TDRD12: variants seen among roughly 807,000 people sequenced by gnomAD.
TDRD12 encodes tudor domain containing 12, also known as putative ATP-dependent RNA helicase TDRD12.
Under a neutral mutation model 133.5 loss-of-function variants are expected in TDRD12, and 158 were observed. The observed-to-expected ratio is 1.18, with a 90% confidence interval of 1.04 to 1.35. TDRD12 has a LOEUF of 1.35. Ranked by LOEUF, TDRD12 falls within the 40% of genes most tolerant of loss-of-function variation. The pLI is 0.00. For missense variants in TDRD12, 1,443 were observed against 1,321.3 expected (o/e 1.09, Z -1.43); for synonymous variants, 460 against 477.9 (o/e 0.96, Z 0.49).
chr19:32,730,249 C>G (rs1439722455), intron 1 of TDRD12, among the ~76,000 whole-genome samples: 1 of 152,156 alleles, frequency 6.6e-6, no homozygotes, highest in Non-Finnish European at 1.5e-5. Flanking sequence ...TCTCAAGCTG[C>G]TATGGCAGCC....
In TDRD12 at chr19:32,747,895, GTC is replaced by G. The variant is rs1969701454; in HGVS notation, c.441-580_441-579del. Among the ~76,000 whole-genome samples the G allele has an allele frequency of 3.3e-5, 5 of 152,048 alleles. No homozygotes were observed. The South Asian group carries it at 8.3e-4, about 25-fold the overall frequency. ...CTGAGTGTGGTGGGGCACACCTGTA[GTC>G]CTAGCTACTCAGGAGGCTGAGATGA... On this transcript the variant is annotated intron_variant, in intron 4 of 27. Transcript: ENST00000444215.
chr19:32,748,099 C>G (rs1336163806), intron 4 of TDRD12, among the ~76,000 whole-genome samples: 1 of 152,158 alleles, frequency 6.6e-6, no homozygotes, highest in Non-Finnish European at 1.5e-5. Flanking sequence ...GTGTCGCGCC[C>G]TCTCTGTGCC....
At chr19:32,755,970 T>A (rs765925646) in intron 6 of TDRD12, 22 bp from the exon 7 acceptor site, 15 of 1,431,364 alleles carry the variant, frequency 1.0e-5, no homozygotes, top group Non-Finnish European at 1.4e-5. Flanking sequence ...TTATTAGTCA[T>A]GAAATGTTTA....
rs995879296 is a variant in TDRD12, at chr19:32,752,449, G to A, written c.582+2580G>A. 5.3e-5 allele frequency among the ~76,000 whole-genome samples: 8 copies of A among 152,086 alleles called. 1 individual carries two copies. The highest frequency in any genetic ancestry group is 7.4e-5 in the Non-Finnish European group (5 of 68,018). On this transcript the variant is annotated intron_variant, in intron 6 of 27. Coordinates refer to ENST00000444215, the Ensembl canonical transcript of TDRD12. ...CCCGTCTTGGCCTCCCAAAGTGCTG[G>A]GATTACAGGCGTGAGCCACCGTGCC...
intron 11 of TDRD12, among the ~76,000 whole-genome samples, chr19:32,781,946 A>C (rs57088672): frequency 0.035 from 5,104 of 146,702 alleles, 208 homozygotes; most frequent in East Asian, 0.24. Context: ...GAATTGGTTG[A>C]GTAATTTTAT....
At chr19:32,762,054 G>C (rs1364022215) in intron 8 of TDRD12, among the ~76,000 whole-genome samples, 1 of 142,446 alleles carries the variant, frequency 7.0e-6, no homozygotes, top group Non-Finnish European at 1.6e-5. Context: ...TTAGTGTTGA[G>C]TTTTAGGAGT....
chr19:32,757,005 T>A (rs1970013738), intron 7 of TDRD12, 33 bp from the exon 8 acceptor site: 2 of 1,515,288 alleles, frequency 1.3e-6, no homozygotes, highest in East Asian at 2.5e-5. Flanking sequence ...CTTTATTTCA[T>A]GCTTTAATTC....
chr19:32,827,312 G>A, exon 10 of TDRD12: 1 of 1,112,128 alleles, frequency 9.0e-7, no homozygotes, highest in Non-Finnish European at 1.1e-6. Flanking sequence ...AATGGATATT[G>A]CCATGTGACC....
chr19:32,823,773 T>C (rs796192149), downstream of TDRD12, among the ~76,000 whole-genome samples: 3 of 152,280 alleles, frequency 2.0e-5, no homozygotes, highest in African/African-American at 7.2e-5. Context: ...ACAACAGTTG[T>C]CATTAAGAGG....
At chr19:32,756,998 T>C (rs1201348144) in intron 7 of TDRD12, 40 bp from the exon 8 acceptor site, 2 of 1,504,932 alleles carry the variant, frequency 1.3e-6, no homozygotes, top group Non-Finnish European at 1.8e-6. Flanking sequence ...TTTTGGGCTT[T>C]ATTTCATGCT....
intron 6 of TDRD12, among the ~76,000 whole-genome samples, chr19:32,754,677 T>G (rs905678545): frequency 7.1e-6 from 1 of 139,954 alleles, no homozygotes; most frequent in Non-Finnish European, 1.5e-5. Flanking sequence ...ATCTTTTTTT[T>G]TTTTTTTTTT....
At chr19:32,738,357 C>G (rs1408645672) in intron 2 of TDRD12, among the ~76,000 whole-genome samples, 1 of 152,170 alleles carries the variant, frequency 6.6e-6, no homozygotes, top group African/African-American at 2.4e-5. Flanking sequence ...CTCAGACGGC[C>G]TGTGTTCCTG....
intron 21 of TDRD12, among the ~76,000 whole-genome samples, chr19:32,803,677 G>A (rs1004003306): frequency 1.3e-5 from 2 of 152,146 alleles, no homozygotes; most frequent in African/African-American, 4.8e-5. Context: ...CTTCCAAAGC[G>A]GCTGGCCATT....
intron 14 of TDRD12, chr19:32,796,102 C>T (rs1971217560): frequency 1.0e-6 from 1 of 971,140 alleles, no homozygotes; most frequent in Non-Finnish European, 1.2e-6. Flanking sequence ...GGGCATGGCC[C>T]TGTGCTGCTG....
intron 19 of TDRD12, among the ~76,000 whole-genome samples, chr19:32,802,280 CATG>C (rs1241049598): frequency 4.7e-5 from 7 of 147,604 alleles, no homozygotes; most frequent in Admixed American, 2.0e-4. Flanking sequence ...TCATATATAT[CATG>C]ATAGTGATCC....
downstream of TDRD12, among the ~76,000 whole-genome samples, chr19:32,822,528 G>A (rs1476371149): frequency 6.6e-6 from 1 of 152,150 alleles, no homozygotes; most frequent in South Asian, 2.1e-4. Flanking sequence ...CGGGCAGATC[G>A]TGAGGTCAGG....
At chr19:32,790,702 A>T (rs974883416) in intron 12 of TDRD12, 111 bp downstream of exon 12, 8 of 1,550,972 alleles carry the variant, frequency 5.2e-6, no homozygotes, top group Admixed American at 3.9e-5. Context: ...AACTCCTTAG[A>T]TGGGGGACTT....
intron 10 of TDRD12, 27 bp downstream of exon 10, chr19:32,773,559 G>T: frequency 6.5e-7 from 1 of 1,546,744 alleles, no homozygotes. Context: ...CAAACTGGGT[G>T]TGGTGGCGCC....
intron 1 of TDRD12, among the ~76,000 whole-genome samples, chr19:32,723,388 C>A (rs1385705149): frequency 1.3e-5 from 2 of 151,836 alleles, no homozygotes; most frequent in South Asian, 4.2e-4. Flanking sequence ...GTAGCTGGGA[C>A]TACAGGTGCC....
Sources: gnomAD v4.1 joint callset for allele counts (sites outside exome capture counted in the v4.1 genomes callset) on GRCh38, gnomAD v4.1.1 for gene constraint, MANE v1.5 for transcripts, NCBI Gene and HGNC (gene_info 2026-07-23, HGNC 2026-07-21) for gene names.